Variants in NBPF15 observed in about 807,000 individuals in gnomAD.
The protein encoded by NBPF15 is NBPF family member NBPF15.
In NBPF15, 74 loss-of-function variants were observed where a neutral mutation model predicts 62.2. The observed-to-expected ratio is 1.19, with a 90% confidence interval of 0.99 to 1.44. The LOEUF is 1.44. Among genes scored for constraint, NBPF15 ranks in the 40% most tolerant of loss-of-function variants. The pLI, the probability that NBPF15 is intolerant of heterozygous loss-of-function variation, is 0.00. For missense variants in NBPF15, 790 were observed against 550.0 expected (o/e 1.44, Z -4.36); for synonymous variants, 244 against 209.7 (o/e 1.16, Z -1.41).
At chr1:144,437,521 G>A (rs1366917776) in intron 9 of NBPF15, among the ~76,000 whole-genome samples, 8 of 149,740 alleles carry the variant, frequency 5.3e-5, no homozygotes, top group Middle Eastern at 3.4e-3. Flanking sequence ...TTGAAAAGAC[G>A]AAAGAAGAAA....
chr1:144,434,875 T>C (rs1677066878), intron 12 of NBPF15, among the ~76,000 whole-genome samples: 1 of 152,016 alleles, frequency 6.6e-6, no homozygotes, highest in Non-Finnish European at 1.5e-5. Context: ...GTGCACCTCC[T>C]GCACTCAGGT....
chr1:144,455,337 T>C (rs1244051650), intron 4 of NBPF15, among the ~76,000 whole-genome samples: 2 of 151,816 alleles, frequency 1.3e-5, no homozygotes, highest in African/African-American at 4.8e-5. Context: ...GATGAGAACA[T>C]CCAGGGGAAC....
At chr1:144,424,651 C>T in intron 20 of NBPF15, 39 bp downstream of exon 20, 1 of 636,732 alleles carries the variant, frequency 1.6e-6, no homozygotes, top group East Asian at 2.7e-5. Flanking sequence ...ATATGGAAGA[C>T]TCAGTGGATC....
chr1:144,442,295 TA>T (rs1480333083), intron 6 of NBPF15, among the ~76,000 whole-genome samples: 2 of 128,636 alleles, frequency 1.6e-5, no homozygotes, highest in East Asian at 4.2e-4. Context: ...ATATATTATA[TA>T]TATATATACA....
intron 6 of NBPF15, among the ~76,000 whole-genome samples, chr1:144,441,784 T>G (rs1281960586): frequency 9.9e-5 from 15 of 151,688 alleles, no homozygotes; most frequent in African/African-American, 3.6e-4. Flanking sequence ...TTAATTTCAA[T>G]ATATGATGGA....
intron 20 of NBPF15, 129 bp from the exon 21 acceptor site, chr1:144,424,104 A>G (rs1416995653): frequency 4.0e-6 from 3 of 746,232 alleles, no homozygotes; most frequent in Non-Finnish European, 4.9e-6. Flanking sequence ...TGAGAGATAT[A>G]TTTCAGGAGG....
Position 144,427,508 on chromosome 1 carries a change from A to T in NBPF15, c.1213+310T>A, listed in dbSNP as rs1284036566. ...GAAATTAGAGTGAAGGATGAAATCT[A>T]CAAGATCTACAAAATTGAGACAAAA... On this transcript the variant is annotated intron_variant, in intron 16 of 21. Transcript: ENST00000581897. Among the ~76,000 whole-genome samples, 17 of 149,342 alleles carry T rather than the reference A, an allele frequency of 1.1e-4. No homozygotes were observed. The East Asian group carries it at 3.3e-3, about 29-fold the overall frequency.
chr1:144,438,740 G>A (rs2102165776), intron 8 of NBPF15, among the ~76,000 whole-genome samples: 1 of 152,052 alleles, frequency 6.6e-6, no homozygotes, highest in South Asian at 2.1e-4. Context: ...GCAATTTACA[G>A]AGGTAGGTAT....
At chr1:144,445,006 T>C (rs1457107716) in intron 6 of NBPF15, among the ~76,000 whole-genome samples, 1 of 151,534 alleles carries the variant, frequency 6.6e-6, no homozygotes, top group South Asian at 2.1e-4. Flanking sequence ...TCCAAGTGCT[T>C]TATATCCTCA....
intron 15 of NBPF15, among the ~76,000 whole-genome samples, 198 bp from the exon 16 acceptor site, chr1:144,428,188 C>G (rs1194122503): frequency 6.6e-6 from 1 of 150,496 alleles, no homozygotes; most frequent in African/African-American, 2.5e-5. Context: ...GACACACACA[C>G]ACACACACAC....
chr1:144,423,004 A>T lies in NBPF15; in HGVS notation c.*9T>A, dbSNP rs1553538481. On this transcript the variant is annotated 3_prime_UTR_variant, in exon 22 of 22. Coordinates refer to ENST00000581897, the MANE Select transcript of NBPF15 (RefSeq NM_001385408.1). ...CAGGAATGACATCTCTCGGCTTAGTAAGAGCTGCTTATTGTGGGAATATGA... is the reference window on the plus strand; with the variant it reads ...CAGGAATGACATCTCTCGGCTTAGTTAGAGCTGCTTATTGTGGGAATATGA... The T allele has an allele frequency of 1.1e-5, 18 of 1,611,648 alleles. No individual in the cohort carries two copies. Among genetic ancestry groups the T allele is most frequent in the Non-Finnish European group, 1.4e-5 (17 of 1,179,616 alleles).
At chr1:144,444,324 C>T (rs1685699961) in intron 6 of NBPF15, among the ~76,000 whole-genome samples, 1 of 150,208 alleles carries the variant, frequency 6.7e-6, no homozygotes, top group Non-Finnish European at 1.5e-5. Context: ...GTAACAAAAG[C>T]CCACCAAGAG....
At position 144,456,625 on chromosome 1, in the gene NBPF15, C is replaced by T. The variant is rs587598801; in HGVS notation, c.-520G>A. 58 of 1,495,782 alleles carry T rather than the reference C, an allele frequency of 3.9e-5. 1 individual carries two copies. The highest frequency in any genetic ancestry group is 1.4e-4 in the African/African-American group (10 of 71,254). The allele number at this position is 1,495,782 out of a possible 1,614,324, so 92.7% of individuals were successfully genotyped here. ...TGGGGAAGTTTCTACATCAGTACCT[C>T]GGAGAGTCCACTGGAAGCCCTGGAC... On this transcript the variant is annotated 5_prime_UTR_variant, in exon 4 of 22. Transcript: ENST00000581897.
intron 13 of NBPF15, among the ~76,000 whole-genome samples, chr1:144,430,984 AG>A (rs1256340182): frequency 6.6e-6 from 1 of 152,034 alleles, no homozygotes; most frequent in Non-Finnish European, 1.5e-5. Context: ...CAGTGATTCA[AG>A]ATCAAATTAA....
intron 21 of NBPF15, among the ~76,000 whole-genome samples, chr1:144,423,621 C>T (rs1245630357): frequency 6.6e-6 from 1 of 151,918 alleles, no homozygotes; most frequent in African/African-American, 2.4e-5. Context: ...AAAATATGCT[C>T]AAAATTTGAT....
intron 4 of NBPF15, 149 bp downstream of exon 4, chr1:144,456,388 C>T (rs1647831276): frequency 1.2e-6 from 1 of 822,372 alleles, no homozygotes; most frequent in Middle Eastern, 5.4e-4. Context: ...TTTGTTCATT[C>T]ACCTAACAAA....
chr1:144,429,580 A>T, intron 14 of NBPF15, 120 bp downstream of exon 14: 2 of 582,422 alleles, frequency 3.4e-6, no homozygotes, highest in Middle Eastern at 4.5e-4. Flanking sequence ...ACATTGATAT[A>T]TAGATTCAGC....
At chr1:144,437,227 C>T in intron 9 of NBPF15, 118 bp from the exon 10 acceptor site, 2 of 1,038,110 alleles carry the variant, frequency 1.9e-6, no homozygotes, top group East Asian at 2.4e-5. Flanking sequence ...AGAAGGTCAG[C>T]ACATGTTTAA....
rs1667618355 is a variant in NBPF15, at chr1:144,423,932, T to C, written c.1707A>G (p.Arg569=). The change falls in exon 21 of 22, where the codon AGA becomes AGG. Residue 569 remains arginine (R), a synonymous_variant. Transcript: ENST00000581897. The part of the protein sequence containing the change: ...KGKGKKRRGR[R]SKKKRRRGRK... ...TTCCCCTTCTTCTTTTCTTCTTTGA[T>C]CTTCTTCCCCTTCTTTTCTTCCCCT... 5 of 790,186 alleles carry C rather than the reference T, an allele frequency of 6.3e-6. No homozygotes were observed. Among genetic ancestry groups the C allele is most frequent in the Admixed American group, 1.7e-5 (1 of 58,926 alleles). 48.9% of individuals were successfully genotyped at this position (790,186 alleles called of 1,614,324 possible).
Sources: allele counts gnomAD v4.1 joint callset (sites outside exome capture counted in the v4.1 genomes callset), GRCh38; gene constraint gnomAD v4.1.1; transcripts MANE v1.5; gene names NCBI Gene and HGNC (gene_info 2026-07-23, HGNC 2026-07-21).